ZNF439: variants seen among roughly 807,000 people sequenced by gnomAD.
ZNF439 encodes zinc finger protein 439.
In ZNF439, 40 loss-of-function variants were observed where a neutral mutation model predicts 47.3. The ratio of observed to expected loss-of-function variants is 0.85; its 90% CI spans 0.66 to 1.10. The LOEUF (loss-of-function observed/expected upper bound fraction) is 1.10. ZNF439 is among the 50% of genes least tolerant of loss of function. ZNF439 has a pLI of 0.00. For missense variants in ZNF439, 556 were observed against 601.1 expected (o/e 0.93, Z 0.78); for synonymous variants, 171 against 198.8 (o/e 0.86, Z 1.18).
chr19:11,857,853 G>T (rs574108735), intron 1 of ZNF439: 1 of 152,314 alleles, frequency 6.6e-6, no homozygotes, highest in South Asian at 2.1e-4. Flanking sequence ...GAAGTTGCTT[G>T]TACTTTCTCT....
In ZNF439 at chr19:11,854,285, T is replaced by C. The variant is rs80330900; in HGVS notation, c.63+5355T>C. 7.2e-5 allele frequency among the ~76,000 whole-genome samples: 11 copies of C among 152,362 alleles called. No individual in the cohort carries two copies. In the East Asian group the frequency reaches 1.3e-3, roughly 19 times the overall value. On this transcript the variant is annotated intron_variant, in intron 1 of 3. Coordinates refer to ENST00000682736, the MANE Select transcript of ZNF439 (RefSeq NM_001348719.2). The stretch of plus-strand genomic sequence containing the variant: ...TGGAGTACATCACAACAGAAGTTTT[T>C]GGTGTGACCAAGGAAACAATAGCCA...
At chr19:11,863,648 C>T (rs756633024) in intron 1 of ZNF439, among the ~76,000 whole-genome samples, 10 of 152,140 alleles carry the variant, frequency 6.6e-5, no homozygotes, top group African/African-American at 2.4e-4. Flanking sequence ...TCCAATTTAT[C>T]GATTTTCTCA....
Position 11,868,742 on chromosome 19 carries a change from G to A in ZNF439, c.*173G>A. On this transcript the variant is annotated 3_prime_UTR_variant, in exon 4 of 4. Coordinates refer to ENST00000682736, the MANE Select transcript of ZNF439 (RefSeq NM_001348719.2). ...GTGGAGAAAAACTCTATGAGTGTAA[G>A]CAATGTGGGAAAGTCTTCAGATCTG... 1.3e-6 allele frequency: 1 copy of A among 746,800 alleles called. No individual in the cohort carries two copies. Among genetic ancestry groups the A allele is most frequent in the Non-Finnish European group, 2.3e-6 (1 of 437,162 alleles). 46.3% of individuals were successfully genotyped at this position (746,800 alleles called of 1,614,324 possible). A position where few individuals can be genotyped will look rare whatever the true frequency, so the allele number is the denominator to read the frequency against.
At chr19:11,860,213 G>T (rs754477375) in intron 1 of ZNF439, among the ~76,000 whole-genome samples, 1 of 152,084 alleles carries the variant, frequency 6.6e-6, no homozygotes, top group African/African-American at 2.4e-5. Context: ...AGGCCGAGGC[G>T]GGTGGATCAT....
intron 1 of ZNF439, among the ~76,000 whole-genome samples, chr19:11,862,222 G>A (rs954049642): frequency 3.9e-5 from 6 of 151,936 alleles, no homozygotes; most frequent in Non-Finnish European, 8.8e-5. Context: ...TCATTTTTTT[G>A]CATCACTGAG....
rs74454158 is a variant in ZNF439, at chr19:11,868,943, G to A, written c.*374G>A. 22 of 299,776 alleles carry A rather than the reference G, an allele frequency of 7.3e-5. No homozygotes were observed. The highest frequency in any genetic ancestry group is 1.6e-4 in the South Asian group (4 of 25,674). The allele number at this position is 299,776 out of a possible 1,614,324, so 18.6% of individuals were successfully genotyped here. On this transcript the variant is annotated 3_prime_UTR_variant, in exon 4 of 4. Transcript: ENST00000682736. ...GAAAGCATTCATATCTGCCAAGATC[G>A]TTTGAATACATGCAAAACACACACT...
At chr19:11,860,904 G>A (rs547307745) in intron 1 of ZNF439, among the ~76,000 whole-genome samples, 2 of 152,306 alleles carry the variant, frequency 1.3e-5, no homozygotes, top group East Asian at 3.9e-4. Context: ...CTGCATTGAT[G>A]ATAAACAGTT....
intron 1 of ZNF439, among the ~76,000 whole-genome samples, chr19:11,860,747 C>T (rs577611596): frequency 6.6e-6 from 1 of 152,112 alleles, no homozygotes; most frequent in South Asian, 2.1e-4. Context: ...AGGTCAGCTG[C>T]TTGATTTAGA....
At chr19:11,861,653 C>G (rs1051465399) in intron 1 of ZNF439, among the ~76,000 whole-genome samples, 4 of 152,172 alleles carry the variant, frequency 2.6e-5, no homozygotes, top group African/African-American at 9.7e-5. Context: ...TGGATTTTCT[C>G]AACTGTGAAG....
chr19:11,868,527 G>A lies in ZNF439; in HGVS notation c.1473G>A (p.Arg491=). 1 of 1,605,610 alleles carries A rather than the reference G, an allele frequency of 6.2e-7. No individual in the cohort carries two copies. The highest frequency in any genetic ancestry group is 8.5e-7 in the Non-Finnish European group (1 of 1,176,262). The change falls in exon 4 of 4, where the codon AGG becomes AGA. Residue 491 remains arginine (R), a synonymous_variant. Coordinates refer to ENST00000682736, the MANE Select transcript of ZNF439 (RefSeq NM_001348719.2). The part of the protein sequence containing the change: ...RYVQNFRFHE[R]TQTHKNALWR... ...TCCAGAACTTTCGATTTCATGAAAG[G>A]ACACAAACACATAAGAATGCACTCT...
chr19:11,859,417 C>G (rs1397735317), intron 1 of ZNF439, among the ~76,000 whole-genome samples: 1 of 152,156 alleles, frequency 6.6e-6, no homozygotes, highest in Admixed American at 6.5e-5. Context: ...TTCTGTCTAG[C>G]CTGGTCTGCA....
In ZNF439 at chr19:11,867,370, C is replaced by G. The variant is rs1406955872; in HGVS notation, c.316C>G (p.Pro106Ala). ...CAGTCATTGTGGAGAAACTTTTACC[C>G]CAGTTCCAGATGACAGGCTGAACTT... Reference protein sequence around the residue: ...EDSHCGETFTPVPDDRLNFQK... With the variant: ...EDSHCGETFTAVPDDRLNFQK... The change falls in exon 4 of 4, where the codon CCA (proline) becomes GCA (alanine). Residue 106 changes from proline (P) to alanine (A), a missense_variant. Transcript: ENST00000682736. 1 of 1,613,920 alleles carries G rather than the reference C, an allele frequency of 6.2e-7. No individual in the cohort carries two copies. Among genetic ancestry groups the G allele is most frequent in the Non-Finnish European group, 8.5e-7 (1 of 1,179,838 alleles).
chr19:11,866,105 T>C, intron 1 of ZNF439, 100 bp from the exon 2 acceptor site: 2 of 1,570,282 alleles, frequency 1.3e-6, no homozygotes, highest in Non-Finnish European at 1.7e-6. Context: ...GAATAAATGT[T>C]TGGAGTCCAC....
chr19:11,857,313 CTGT>C (rs1365390364), intron 1 of ZNF439: 1 of 152,214 alleles, frequency 6.6e-6, no homozygotes, highest in East Asian at 1.9e-4. Flanking sequence ...ATGCTGTGGC[CTGT>C]TGTTGGGAAT....
chr19:11,859,738 T>A (rs1291224072), intron 1 of ZNF439, among the ~76,000 whole-genome samples: 1 of 152,154 alleles, frequency 6.6e-6, no homozygotes, highest in African/African-American at 2.4e-5. Context: ...TAAAGTTGTT[T>A]GTTTTGGGGT....
intron 1 of ZNF439, among the ~76,000 whole-genome samples, chr19:11,863,982 C>T (rs1055738973): frequency 2.6e-5 from 4 of 152,022 alleles, no homozygotes; most frequent in Admixed American, 6.6e-5. Flanking sequence ...CCTTGACCTC[C>T]GGTTTTGCAT....
In ZNF439 at chr19:11,868,063, G is replaced by A. The variant is rs1353611229; in HGVS notation, c.1009G>A (p.Gly337Arg). 6.2e-7 allele frequency: 1 copy of A among 1,614,180 alleles called. No individual in the cohort carries two copies. Among genetic ancestry groups the A allele is most frequent in the Non-Finnish European group, 8.5e-7 (1 of 1,180,024 alleles). Residue 337 changes from glycine (G) to arginine (R), a missense_variant, in exon 4 of 4, where the codon GGG (glycine) becomes AGG (arginine). Gly to Arg is a moderately radical substitution (Grantham distance 125, BLOSUM62 -2). Transcript: ENST00000682736. ...AAAACTTTATGAATGTAAGCAGTGT[G>A]GGAAAGCATTATCCTCTCTTACAAG... ...RKKLYECKQCGKALSSLTSFQ... is the reference protein window; with the variant it reads ...RKKLYECKQCRKALSSLTSFQ...
At chr19:11,854,840 G>A (rs1976342820) in intron 1 of ZNF439, among the ~76,000 whole-genome samples, 1 of 152,132 alleles carries the variant, frequency 6.6e-6, no homozygotes, top group African/African-American at 2.4e-5. Context: ...AGGTCAATTG[G>A]GTATTGTTTA....
At chr19:11,856,542 C>T (rs1444400893) in intron 1 of ZNF439, 2 of 152,238 alleles carry the variant, frequency 1.3e-5, no homozygotes, top group African/African-American at 2.4e-5. Flanking sequence ...GTTACATGAA[C>T]ATAGCTAAGC....
Sources: gnomAD v4.1 joint callset for allele counts (sites outside exome capture counted in the v4.1 genomes callset) on GRCh38, gnomAD v4.1.1 for gene constraint, MANE v1.5 for transcripts, NCBI Gene and HGNC (gene_info 2026-07-23, HGNC 2026-07-21) for gene names.